Variants in PCGF5 observed in about 807,000 individuals in gnomAD.
PCGF5 encodes polycomb group ring finger 5.
In PCGF5, 9 loss-of-function variants were observed where a neutral mutation model predicts 44.3. That is an observed-to-expected ratio of 0.20 (90% CI 0.12 to 0.35). PCGF5 has a LOEUF of 0.35. PCGF5 is among the 10% of genes least tolerant of loss of function. The pLI is 1.00. For synonymous variants in PCGF5, 95 were observed against 102.5 expected (o/e 0.93, Z 0.44); for missense variants, 146 against 305.3 (o/e 0.48, Z 3.89).
At chr10:91,265,817 T>G (rs1589408043) in intron 8 of PCGF5, among the ~76,000 whole-genome samples, 1 of 152,162 alleles carries the variant, frequency 6.6e-6, no homozygotes, top group Admixed American at 6.6e-5. Flanking sequence ...AAGCCCTGCT[T>G]AAAGCCTTCT....
At position 91,244,323 on chromosome 10, in the gene PCGF5, G is replaced by A. The variant is rs561811182; in HGVS notation, c.209+3743G>A. On this transcript the variant is annotated intron_variant, in intron 3 of 9. Coordinates refer to ENST00000336126, the MANE Select transcript of PCGF5 (RefSeq NM_032373.5). ...GAAAGCATGCCTATTCCAGGTAAAG[G>A]GAGCAGCCAGTGCAGAGTGCCTAAG... 3.1e-4 allele frequency among the ~76,000 whole-genome samples: 47 copies of A among 152,248 alleles called. 1 individual carries two copies. Among genetic ancestry groups the A allele is most frequent in the Middle Eastern group, 3.4e-3 (1 of 294 alleles).
chr10:91,198,986 C>T (rs962700339), intron 1 of PCGF5, among the ~76,000 whole-genome samples: 9 of 152,196 alleles, frequency 5.9e-5, no homozygotes, highest in African/African-American at 2.2e-4. Flanking sequence ...CTTTCAGTTT[C>T]ACTGGCCATG....
At chr10:91,166,758 T>G (rs916252296) in intron 1 of PCGF5, among the ~76,000 whole-genome samples, 5 of 152,338 alleles carry the variant, frequency 3.3e-5, no homozygotes, top group Admixed American at 6.5e-5. Flanking sequence ...AGCAAGTTAC[T>G]TAACTTTTTG....
At chr10:91,164,139 A>G (rs1843451131) in intron 1 of PCGF5, among the ~76,000 whole-genome samples, 1 of 152,104 alleles carries the variant, frequency 6.6e-6, no homozygotes, top group African/African-American at 2.4e-5. Flanking sequence ...CTCGCTATGT[A>G]CCTCTGACCC....
chr10:91,259,711 A>C (rs1210772770), intron 6 of PCGF5, among the ~76,000 whole-genome samples: 1 of 152,182 alleles, frequency 6.6e-6, no homozygotes, highest in East Asian at 1.9e-4. Flanking sequence ...CAAAAACAAG[A>C]AATGGGGAAA....
intron 2 of PCGF5, among the ~76,000 whole-genome samples, chr10:91,233,300 TCTG>T (rs746794746): frequency 2.0e-5 from 3 of 152,122 alleles, no homozygotes; most frequent in Admixed American, 1.3e-4. Context: ...CCTTTCAAGG[TCTG>T]CTGGCTTGCT....
chr10:91,197,434 G>A (rs1844156690), intron 1 of PCGF5, among the ~76,000 whole-genome samples: 1 of 152,196 alleles, frequency 6.6e-6, no homozygotes. Context: ...AACTGCTGAT[G>A]TTTATTGAGG....
rs1589417496 is a variant in PCGF5 at position 91,280,004 on chromosome 10, T to C, written c.*1688T>C. The C allele has an allele frequency of 6.6e-6, 1 of 152,064 alleles. No individual in the cohort carries two copies. Among genetic ancestry groups the C allele is most frequent in the African/African-American group, 2.4e-5 (1 of 41,456 alleles). 9.4% of individuals were successfully genotyped at this position (152,064 alleles called of 1,614,324 possible). On this transcript the variant is annotated 3_prime_UTR_variant, in exon 10 of 10. Coordinates refer to ENST00000336126, the MANE Select transcript of PCGF5 (RefSeq NM_032373.5). ...CAAAAAGTCTATTAAATTTTTCTGT[T>C]GTTGTTCCAACTTTGGTGAAAAAGG...
At chr10:91,173,180 AT>A (rs1209965652) in intron 1 of PCGF5, among the ~76,000 whole-genome samples, 14 of 152,030 alleles carry the variant, frequency 9.2e-5, no homozygotes, top group Admixed American at 6.5e-4. Context: ...ACACTGTGAT[AT>A]TTAAGAGCTT....
intron 1 of PCGF5, among the ~76,000 whole-genome samples, chr10:91,197,697 A>G (rs1844164462): frequency 9.9e-6 from 1 of 101,090 alleles, no homozygotes; most frequent in South Asian, 3.3e-4. Context: ...CTCCTCTGTC[A>G]ACCGGTACTG....
At position 91,226,514 on chromosome 10, in the gene PCGF5, A is replaced by C. The variant is rs1844844796; in HGVS notation, c.112+3531A>C. Reference sequence around the variant, plus strand: ...TTATGGGTGGGAGGCAGGGATTATTAGTAGCTCTCTCTGCTTTGATATGGG... The same window carrying C: ...TTATGGGTGGGAGGCAGGGATTATTCGTAGCTCTCTCTGCTTTGATATGGG... On this transcript the variant is annotated intron_variant, in intron 2 of 9. Coordinates refer to ENST00000336126, the MANE Select transcript of PCGF5 (RefSeq NM_032373.5). Among the ~76,000 whole-genome samples the C allele has an allele frequency of 2.0e-5, 3 of 152,244 alleles. No individual in the cohort carries two copies. In the South Asian group the frequency reaches 6.2e-4, roughly 32 times the overall value.
intron 5 of PCGF5, among the ~76,000 whole-genome samples, chr10:91,250,969 G>A (rs975141292): frequency 2.0e-5 from 3 of 151,394 alleles, no homozygotes; most frequent in African/African-American, 7.3e-5. Context: ...TATATATTCT[G>A]TCCACTTTCT....
At chr10:91,199,515 C>A (rs1293065185) in intron 1 of PCGF5, among the ~76,000 whole-genome samples, 2 of 152,178 alleles carry the variant, frequency 1.3e-5, no homozygotes, top group Admixed American at 1.3e-4. Context: ...TGCAAGAGGC[C>A]AACAACATCC....
intron 8 of PCGF5, among the ~76,000 whole-genome samples, chr10:91,265,842 G>A (rs894433332): frequency 6.6e-6 from 1 of 152,122 alleles, no homozygotes; most frequent in Non-Finnish European, 1.5e-5. Context: ...GAGACTGAAC[G>A]CTTTCGCTAG....
chr10:91,253,604 C>T (rs764129927), intron 6 of PCGF5, among the ~76,000 whole-genome samples: 3 of 152,074 alleles, frequency 2.0e-5, no homozygotes, highest in Non-Finnish European at 4.4e-5. Flanking sequence ...AAAAGCTTCG[C>T]GTCATCTTTG....
At chr10:91,213,568 G>A (rs192591240) in intron 1 of PCGF5, among the ~76,000 whole-genome samples, 21 of 151,870 alleles carry the variant, frequency 1.4e-4, no homozygotes, top group South Asian at 8.3e-4. Context: ...AGGTTCAAGC[G>A]ATTCTCCTGC....
Position 91,181,311 on chromosome 10 carries a change from T to G in PCGF5, c.-184+18230T>G, listed in dbSNP as rs553879908. ...TCCTGTCATCTAAAAACAGGGATAG[T>G]TTGACTTCCTCTTTTCCTATTTGAA... On this transcript the variant is annotated intron_variant, in intron 1 of 9. Coordinates refer to the PCGF5 transcript ENST00000614189. 2.4e-4 allele frequency among the ~76,000 whole-genome samples: 37 copies of G among 152,334 alleles called. 1 individual carries two copies. The highest frequency in any genetic ancestry group is 4.6e-4 in the Admixed American group (7 of 15,302).
At chr10:91,223,030 A>G in intron 2 of PCGF5, 47 bp downstream of exon 2, 8 of 1,247,636 alleles carry the variant, frequency 6.4e-6, no homozygotes, top group African/African-American at 1.5e-5. Flanking sequence ...TTATATGTAC[A>G]TTTTGTTCTT....
At chr10:91,252,282 T>C (rs919522238) in intron 6 of PCGF5, among the ~76,000 whole-genome samples, 2 of 152,024 alleles carry the variant, frequency 1.3e-5, no homozygotes, top group South Asian at 4.1e-4. Context: ...TTCTTTTACT[T>C]CCTCTGTGTA....
Sources: allele counts gnomAD v4.1 joint callset (sites outside exome capture counted in the v4.1 genomes callset), GRCh38; gene constraint gnomAD v4.1.1; transcripts MANE v1.5; gene names NCBI Gene and HGNC (gene_info 2026-07-23, HGNC 2026-07-21).